ARHGEF16: variants seen among roughly 807,000 people sequenced by gnomAD.
ARHGEF16 encodes Rho guanine nucleotide exchange factor 16.
Under a neutral mutation model 74.1 loss-of-function variants are expected in ARHGEF16, and 59 were observed. That is an observed-to-expected ratio of 0.80 (90% confidence interval 0.65 to 0.99). ARHGEF16 has a LOEUF of 0.99. Among genes scored for constraint, ARHGEF16 ranks in the 50% least tolerant of loss-of-function variants. The pLI is 0.00. For missense variants in ARHGEF16, 948 were observed against 986.6 expected, an observed-to-expected ratio of 0.96 and a Z score of 0.52; for synonymous variants, 415 against 412.6, an observed-to-expected ratio of 1.01 and a Z score of -0.07.
chr1:3,464,565 G>A (rs1639490594), intron 2 of ARHGEF16, among the ~76,000 whole-genome samples: 1 of 152,216 alleles, frequency 6.6e-6, no homozygotes, highest in South Asian at 2.1e-4. Flanking sequence ...CAAGAATGCA[G>A]AGCAGATGCA....
chr1:3,455,903 G>A (rs892941913), intron 1 of ARHGEF16, among the ~76,000 whole-genome samples: 3 of 152,174 alleles, frequency 2.0e-5, no homozygotes, highest in Admixed American at 2.0e-4. Flanking sequence ...CCAGGCAGAC[G>A]TGGACCCTGC....
chr1:3,471,574 CT>C, intron 6 of ARHGEF16: 2 of 1,055,582 alleles, frequency 1.9e-6, no homozygotes, highest in South Asian at 2.2e-5. Flanking sequence ...GCGGCTGCCC[CT>C]CCCCCAGCTC....
intron 11 of ARHGEF16, 163 bp from the exon 12 acceptor site, chr1:3,478,261 G>C (rs574430691): frequency 2.1e-6 from 2 of 949,052 alleles, no homozygotes; most frequent in African/African-American, 3.3e-5. Flanking sequence ...AGGAGGACTC[G>C]AAAGCCATGG....
chr1:3,456,129 C>G (rs1470986882), intron 1 of ARHGEF16, among the ~76,000 whole-genome samples: 1 of 152,120 alleles, frequency 6.6e-6, no homozygotes, highest in South Asian at 2.1e-4. Flanking sequence ...GGGGAGAAAC[C>G]CTTGTTGGGG....
At chr1:3,477,805 C>G (rs1161346948) in intron 10 of ARHGEF16, 70 bp from the exon 11 acceptor site, 24 of 1,498,446 alleles carry the variant, frequency 1.6e-5, no homozygotes, top group Non-Finnish European at 2.1e-5. Flanking sequence ...CCCCTGGGGA[C>G]CTGCTCACCC....
chr1:3,470,462 GGTGTGTGCATGGAT>G (rs1335971019), intron 6 of ARHGEF16, among the ~76,000 whole-genome samples: 46 of 150,306 alleles, frequency 3.1e-4, no homozygotes, highest in African/African-American at 1.1e-3. Context: ...TGTGTGCGCG[GGTGTGTGCATGGAT>G]GTGTGTGCAT....
At chr1:3,472,740 C>T (rs906468913) in intron 6 of ARHGEF16, 2 of 225,410 alleles carry the variant, frequency 8.9e-6, no homozygotes, top group Non-Finnish European at 1.7e-5. Flanking sequence ...CTGGACAGGG[C>T]ACCAGGACAG....
chr1:3,473,418 G>A lies in ARHGEF16; in HGVS notation c.1201G>A (p.Ala401Thr). The change falls in exon 8 of 15, where the codon GCC becomes ACC. Residue 401 changes from alanine (A) to threonine (T), a missense_variant. Ala to Thr is a moderately conservative substitution (Grantham distance 58). Coordinates refer to ENST00000378378, the MANE Select transcript of ARHGEF16 (RefSeq NM_014448.4). ...LISSNAAFRE[A>T]LREIERRPAC... ...AAGCAGCAACGCCGCCTTCCGAGAGGCCCTGAGAGAGATTGAGAGGCGGCC... is the reference window on the plus strand; with the variant it reads ...AAGCAGCAACGCCGCCTTCCGAGAGACCCTGAGAGAGATTGAGAGGCGGCC... The A allele has an allele frequency of 1.2e-6, 2 of 1,611,400 alleles. No individual in the cohort carries two copies. The highest frequency in any genetic ancestry group is 1.7e-6 in the Non-Finnish European group (2 of 1,179,032).
At position 3,480,724 on chromosome 1, in the gene ARHGEF16, G is replaced by A; in HGVS notation, c.*137G>A. On this transcript the variant is annotated 3_prime_UTR_variant, in exon 15 of 15. Transcript: ENST00000378378. ...GGGCTTCCCAAGAGCCTGTGGCTGT[G>A]GTGCCGGGCTCCAGACACTTCACGG... is the stretch of plus-strand genomic sequence containing the variant. The A allele has an allele frequency of 8.2e-7, 1 of 1,219,484 alleles. No individual in the cohort carries two copies. The highest frequency in any genetic ancestry group is 2.6e-5 in the Admixed American group (1 of 38,236). The allele number at this position is 1,219,484 out of a possible 1,614,324, so 75.5% of individuals were successfully genotyped here.
rs543518202 is a variant in ARHGEF16, at chr1:3,480,659, G to T, written c.*72G>T. ...AAGTGGTCGTGCCTGGCTCTAGAGA[G>T]CGTGGGGAGCTGGTCTCAAGGACCC... On this transcript the variant is annotated 3_prime_UTR_variant, in exon 15 of 15. Coordinates refer to ENST00000378378, the MANE Select transcript of ARHGEF16 (RefSeq NM_014448.4). The T allele has an allele frequency of 2.1e-4, 323 of 1,548,832 alleles. 4 individuals carry two copies. The Middle Eastern group carries it at 2.9e-3, about 14-fold the overall frequency.
chr1:3,477,728 G>A (rs1418202518), intron 10 of ARHGEF16, 147 bp from the exon 11 acceptor site: 1 of 724,398 alleles, frequency 1.4e-6, no homozygotes, highest in African/African-American at 1.8e-5. Flanking sequence ...CCCCGACTGA[G>A]GGCAGCCAGC....
rs1220806604 is a variant in ARHGEF16, at chr1:3,463,486, C to T, written c.402C>T (p.Asp134=). The change falls in exon 2 of 15, where the codon GAC becomes GAT. Residue 134 remains aspartate (D), a synonymous_variant. Coordinates refer to ENST00000378378, the MANE Select transcript of ARHGEF16 (RefSeq NM_014448.4). ...LLPAPSFSLD[D]MDVDKDPGGM... ...CAGCCCCCAGCTTCTCCCTGGATGACATGGACGTGGACAAGGACCCCGGGG... is the reference window on the plus strand; with the variant it reads ...CAGCCCCCAGCTTCTCCCTGGATGATATGGACGTGGACAAGGACCCCGGGG... The T allele has an allele frequency of 1.3e-6, 2 of 1,520,116 alleles. No individual in the cohort carries two copies. The highest frequency in any genetic ancestry group is 1.2e-5 in the South Asian group (1 of 80,318). The allele number at this position is 1,520,116 out of a possible 1,614,324, so 94.2% of individuals were successfully genotyped here.
chr1:3,472,473 G>A (rs986647756), intron 6 of ARHGEF16, among the ~76,000 whole-genome samples: 21 of 152,230 alleles, frequency 1.4e-4, no homozygotes, highest in African/African-American at 4.8e-4. Flanking sequence ...CCCTCAGAAC[G>A]GGGTGGGGGA....
chr1:3,467,861 C>T (rs890930385), intron 4 of ARHGEF16, among the ~76,000 whole-genome samples: 7 of 152,128 alleles, frequency 4.6e-5, no homozygotes, highest in African/African-American at 1.2e-4. Flanking sequence ...GCATGTGACC[C>T]GCACCCTGAG....
At chr1:3,470,341 G>A (rs554226286) in intron 6 of ARHGEF16, among the ~76,000 whole-genome samples, 2 of 151,162 alleles carry the variant, frequency 1.3e-5, no homozygotes, top group South Asian at 2.1e-4. Context: ...TGTGTGGACA[G>A]GGTTGTGTGT....
At chr1:3,457,830 C>CTA (rs1043799727) in intron 1 of ARHGEF16, among the ~76,000 whole-genome samples, 2 of 152,208 alleles carry the variant, frequency 1.3e-5, no homozygotes, top group African/African-American at 4.8e-5. Flanking sequence ...TGCCCCATAA[C>CTA]TATATGTGTT....
In ARHGEF16 at chr1:3,475,995, C is replaced by A. The variant is rs1420225741; in HGVS notation, c.1406C>A (p.Ala469Asp). 1.3e-6 allele frequency: 2 copies of A among 1,555,714 alleles called. No individual in the cohort carries two copies. The highest frequency in any genetic ancestry group is 4.8e-5 in the East Asian group (2 of 41,480). Residue 469 changes from alanine (A) to aspartate (D), a missense_variant, in exon 10 of 15, where the codon GCC becomes GAC. Coordinates refer to ENST00000378378, the MANE Select transcript of ARHGEF16 (RefSeq NM_014448.4). ...CTGGTGAGGCAGTGCAACGAGGGGG[C>A]CCACAGGATGGAGCGCATGGAGCAG... is the stretch of plus-strand genomic sequence containing the variant. ...SKLVRQCNEG[A>D]HRMERMEQMY...
chr1:3,466,773 A>G (rs925445597), intron 3 of ARHGEF16, among the ~76,000 whole-genome samples: 1 of 152,204 alleles, frequency 6.6e-6, no homozygotes, highest in African/African-American at 2.4e-5. Flanking sequence ...TCCAGGCCTG[A>G]GGCTCCAAGA....
chr1:3,474,774 A>G lies in ARHGEF16; in HGVS notation c.1372A>G (p.Ile458Val), dbSNP rs781687266. 6.2e-7 allele frequency: 1 copy of G among 1,612,874 alleles called. No homozygotes were observed. Among genetic ancestry groups the G allele is most frequent in the Non-Finnish European group, 8.5e-7 (1 of 1,179,964 alleles). ...GGCTGCCAGCCGTGCACTGAAGGCC[A>G]TCAGCAAGGTAAGATGGGGCCTGGC... ...YKAASRALKA[I>V]SKLVRQCNEG... The change falls in exon 9 of 15, where the codon ATC becomes GTC. Residue 458 changes from isoleucine (I) to valine (V), a missense_variant. Coordinates refer to ENST00000378378, the MANE Select transcript of ARHGEF16 (RefSeq NM_014448.4).
Sources: gnomAD v4.1 joint callset for allele counts (sites outside exome capture counted in the v4.1 genomes callset) on GRCh38, gnomAD v4.1.1 for gene constraint, MANE v1.5 for transcripts, NCBI Gene and HGNC (gene_info 2026-07-23, HGNC 2026-07-21) for gene names.